Variants in TIMP3 observed in about 807,000 individuals in gnomAD.
TIMP3 encodes the protein metalloproteinase inhibitor 3.
In TIMP3, 11 loss-of-function variants were observed where a neutral mutation model predicts 30.0. That is an observed-to-expected ratio of 0.37 (90% CI 0.23 to 0.61). The LOEUF (loss-of-function observed/expected upper bound fraction) is 0.61. Among genes scored for constraint, TIMP3 ranks in the 20% least tolerant of loss-of-function variants. The pLI is 0.70. For synonymous variants in TIMP3, 112 were observed against 111.3 expected, an observed-to-expected ratio of 1.01 and a Z score of -0.04; for missense variants, 181 against 276.8, an observed-to-expected ratio of 0.65 and a Z score of 2.45.
At chr22:32,858,569 A>G (rs1165608685) in intron 4 of TIMP3, among the ~76,000 whole-genome samples, 1 of 152,166 alleles carries the variant, frequency 6.6e-6, no homozygotes, top group Non-Finnish European at 1.5e-5. Flanking sequence ...ACCAGATGCT[A>G]CAGAAGGTCT....
chr22:32,823,868 G>A (rs1485245353), intron 1 of TIMP3, among the ~76,000 whole-genome samples: 1 of 152,128 alleles, frequency 6.6e-6, no homozygotes, highest in Non-Finnish European at 1.5e-5. Flanking sequence ...TCCCCACAGT[G>A]CCCTGCCACA....
chr22:32,852,530 C>G (rs1233803230), intron 2 of TIMP3, among the ~76,000 whole-genome samples: 1 of 152,182 alleles, frequency 6.6e-6, no homozygotes, highest in Non-Finnish European at 1.5e-5. Context: ...GCAGATTAGA[C>G]AGTCTACCCT....
At chr22:32,840,023 G>C (rs1333536234) in intron 1 of TIMP3, among the ~76,000 whole-genome samples, 1 of 152,038 alleles carries the variant, frequency 6.6e-6, no homozygotes, top group African/African-American at 2.4e-5. Context: ...CCAGGACAGG[G>C]CATCCCCAGG....
chr22:32,818,763 G>A (rs947505765), intron 1 of TIMP3, among the ~76,000 whole-genome samples: 1 of 152,146 alleles, frequency 6.6e-6, no homozygotes, highest in Non-Finnish European at 1.5e-5. Context: ...GGATAAAACT[G>A]CTTCCACCTG....
rs78275849 is a variant in TIMP3 at position 32,847,261 on chromosome 22, C to T, written c.122-2191C>T. ...ATATGGAGGAAACAGTCCCCGGGGC[C>T]TCCGGGAGGCTGGCTTGTCGCCGAG... On this transcript the variant is annotated intron_variant, in intron 1 of 4. Transcript: ENST00000266085. Among the ~76,000 whole-genome samples, 479 of 152,308 alleles carry T rather than the reference C, an allele frequency of 3.1e-3. 2 individuals are homozygous for T. Among genetic ancestry groups the T allele is most frequent in the African/African-American group, 0.011 (453 of 41,562 alleles).
chr22:32,850,960 C>G (rs1032894587), intron 2 of TIMP3, among the ~76,000 whole-genome samples: 6 of 152,152 alleles, frequency 3.9e-5, no homozygotes, highest in African/African-American at 9.7e-5. Flanking sequence ...TTTTGTGGAA[C>G]CTGTTGCTTT....
chr22:32,832,045 G>C (rs1220638884), intron 1 of TIMP3, among the ~76,000 whole-genome samples: 1 of 152,180 alleles, frequency 6.6e-6, no homozygotes, highest in Non-Finnish European at 1.5e-5. Flanking sequence ...GTTTGAATGT[G>C]CAGCTGATGG....
chr22:32,846,489 CAT>C (rs1340015733), intron 1 of TIMP3, among the ~76,000 whole-genome samples: 1 of 152,244 alleles, frequency 6.6e-6, no homozygotes, highest in African/African-American at 2.4e-5. Context: ...GTAGCAAACA[CAT>C]GAGGTTTGGG....
rs556950160 is a variant in TIMP3 at position 32,831,590 on chromosome 22, G to A, written c.122-17862G>A. 7.2e-5 allele frequency among the ~76,000 whole-genome samples: 11 copies of A among 152,276 alleles called. 1 individual carries two copies. The South Asian group carries it at 2.1e-3, about 29-fold the overall frequency. On this transcript the variant is annotated intron_variant, in intron 1 of 4. Coordinates refer to ENST00000266085, the MANE Select transcript of TIMP3 (RefSeq NM_000362.5). ...ATTACCAAGGACTAGCATATAATTG[G>A]AAGATTGAAGGCAGAAGCCCTTATC... is the stretch of plus-strand genomic sequence containing the variant.
intron 1 of TIMP3, among the ~76,000 whole-genome samples, chr22:32,844,922 T>A (rs1306391761): frequency 6.6e-6 from 1 of 152,174 alleles, no homozygotes; most frequent in Non-Finnish European, 1.5e-5. Flanking sequence ...AGAGACAAGG[T>A]CTCACTGTGT....
At chr22:32,849,181 C>T (rs186444625) in intron 1 of TIMP3, among the ~76,000 whole-genome samples, 9 of 152,206 alleles carry the variant, frequency 5.9e-5, no homozygotes, top group Non-Finnish European at 1.0e-4. Context: ...TCAGGGTCGG[C>T]GGGGGTTGAC....
intron 1 of TIMP3, among the ~76,000 whole-genome samples, chr22:32,820,031 G>T (rs2047191585): frequency 6.6e-6 from 1 of 152,062 alleles, no homozygotes; most frequent in Admixed American, 6.5e-5. Context: ...GGGATTTTTT[G>T]GTGTGGGGGG....
At chr22:32,832,543 T>G (rs1388455118) in intron 1 of TIMP3, among the ~76,000 whole-genome samples, 5 of 123,382 alleles carry the variant, frequency 4.1e-5, no homozygotes, top group African/African-American at 1.3e-4. Flanking sequence ...AAGCCTGGGT[T>G]TTTTTTTTTT....
Position 32,855,615 on chromosome 22 carries a change from G to C in TIMP3, c.205-1634G>C, listed in dbSNP as rs775514541. Among the ~76,000 whole-genome samples, 6 of 152,128 alleles carry C rather than the reference G, an allele frequency of 3.9e-5. No homozygotes were observed. In the East Asian group the frequency reaches 9.6e-4, roughly 24 times the overall value. On this transcript the variant is annotated intron_variant, in intron 2 of 4. Transcript: ENST00000266085. ...CCTCATAGGGTTGTCATGGTGATTCGTGGGCTAATATTAAAGGAGATTTCT... is the reference window on the plus strand; with the variant it reads ...CCTCATAGGGTTGTCATGGTGATTCCTGGGCTAATATTAAAGGAGATTTCT...
chr22:32,861,348 G>A lies in TIMP3; in HGVS notation c.*1971G>A, dbSNP rs2048533025. The A allele has an allele frequency of 6.6e-6, 1 of 152,142 alleles. No homozygotes were observed. The allele number at this position is 152,142 out of a possible 1,614,324, so 9.4% of individuals were successfully genotyped here. A position where few individuals can be genotyped will look rare whatever the true frequency, so the allele number is the denominator to read the frequency against. On this transcript the variant is annotated 3_prime_UTR_variant, in exon 5 of 5. Transcript: ENST00000266085. ...CCATTGTGGTCATGCCATTTGGCAG[G>A]GGGAGAATGGGAGGCTTGGCCTTCT...
intron 1 of TIMP3, among the ~76,000 whole-genome samples, chr22:32,805,998 T>C (rs2046724322): frequency 6.6e-6 from 1 of 151,932 alleles, no homozygotes; most frequent in Non-Finnish European, 1.5e-5. Flanking sequence ...TCTTTGGCTA[T>C]TAGATCTGGA....
intron 3 of TIMP3, 106 bp from the exon 4 acceptor site, chr22:32,857,911 C>T (rs1408764516): frequency 6.4e-7 from 1 of 1,553,584 alleles, no homozygotes; most frequent in Non-Finnish European, 8.9e-7. Flanking sequence ...TGAAAAGTAC[C>T]CAGCCACAGT....
chr22:32,820,492 C>A (rs182527337), intron 1 of TIMP3, among the ~76,000 whole-genome samples: 1 of 152,130 alleles, frequency 6.6e-6, no homozygotes, highest in Non-Finnish European at 1.5e-5. Flanking sequence ...CGTAACTCCC[C>A]GGCACCTGGC....
intron 1 of TIMP3, among the ~76,000 whole-genome samples, chr22:32,834,470 C>T (rs926177592): frequency 7.9e-5 from 12 of 152,090 alleles, no homozygotes; most frequent in Admixed American, 5.9e-4. Flanking sequence ...GCCAAGCCCA[C>T]CTTTTGATAG....
Sources: gnomAD v4.1 joint callset for allele counts (sites outside exome capture counted in the v4.1 genomes callset) on GRCh38, gnomAD v4.1.1 for gene constraint, MANE v1.5 for transcripts, NCBI Gene and HGNC (gene_info 2026-07-23, HGNC 2026-07-21) for gene names.